The following ATE1 variants were observed in gnomAD, a reference collection of about 807,000 sequenced individuals.
ATE1 encodes the protein arginyl-tRNA--protein transferase 1.
A neutral mutation model predicts 70.5 loss-of-function variants in ATE1; 36 were observed. The ratio of observed to expected loss-of-function variants is 0.51; its 90% CI spans 0.39 to 0.67. The LOEUF (loss-of-function observed/expected upper bound fraction) is 0.67, where lower values mean the gene tolerates loss of function less well. Among genes scored for constraint, ATE1 ranks in the 30% least tolerant of loss-of-function variants. ATE1 has a pLI of 0.00. For missense variants in ATE1, 593 were observed against 629.5 expected (o/e 0.94, Z 0.62); for synonymous variants, 232 against 219.3 (o/e 1.06, Z -0.51).
At chr10:121,878,582 G>T (rs1413863077) in intron 7 of ATE1, among the ~76,000 whole-genome samples, 1 of 149,638 alleles carries the variant, frequency 6.7e-6, no homozygotes, top group African/African-American at 2.5e-5. Flanking sequence ...GACAGAGGGA[G>T]ACTGTGTCTC....
intron 10 of ATE1, among the ~76,000 whole-genome samples, chr10:121,805,510 C>T (rs1947059637): frequency 6.6e-6 from 1 of 152,114 alleles, no homozygotes; most frequent in South Asian, 2.1e-4. Context: ...CTTATAATGG[C>T]TGTACATACA....
intron 10 of ATE1, among the ~76,000 whole-genome samples, chr10:121,817,262 C>A (rs1044569530): frequency 1.3e-5 from 2 of 152,182 alleles, no homozygotes; most frequent in African/African-American, 4.8e-5. Context: ...GAGTTCAGGC[C>A]GGGCACAGCG....
chr10:121,768,131 C>G (rs12356867), intron 11 of ATE1, among the ~76,000 whole-genome samples: 1 of 152,102 alleles, frequency 6.6e-6, no homozygotes, highest in Non-Finnish European at 1.5e-5. Flanking sequence ...ATTTTTGGTA[C>G]TTAGAGAAGT....
chr10:121,790,611 T>C (rs1368319078), intron 10 of ATE1, among the ~76,000 whole-genome samples: 1 of 152,206 alleles, frequency 6.6e-6, no homozygotes, highest in African/African-American at 2.4e-5. Context: ...GTTTCAAAAT[T>C]GTCTTTCAAA....
chr10:121,795,012 C>T (rs1269523014), intron 10 of ATE1, among the ~76,000 whole-genome samples: 3 of 152,144 alleles, frequency 2.0e-5, no homozygotes, highest in African/African-American at 7.2e-5. Context: ...CCGTGGGAGG[C>T]CGAGGCAGGC....
intron 10 of ATE1, among the ~76,000 whole-genome samples, chr10:121,793,087 G>A (rs942597589): frequency 1.2e-4 from 19 of 152,056 alleles, no homozygotes; most frequent in Non-Finnish European, 2.4e-4. Context: ...AGAACACAAT[G>A]CATTTTTTTA....
In ATE1 at chr10:121,899,946, G is replaced by A; in HGVS notation, c.862C>T (p.Leu288Phe). 2 of 1,614,062 alleles carry A rather than the reference G, an allele frequency of 1.2e-6. No individual in the cohort carries two copies. Among genetic ancestry groups the A allele is most frequent in the South Asian group, 2.2e-5 (2 of 91,076 alleles). The change falls in exon 7 of 12, where the codon CTT becomes TTT. Residue 288 changes from leucine (L) to phenylalanine (F), a missense_variant. Physicochemically the swap from Leu to Phe is conservative, Grantham distance 22. Coordinates refer to ENST00000224652, the MANE Select transcript of ATE1 (RefSeq NM_001001976.3). ...SPPSSQFKAT[L>F]LESYQVYKRY... ...TTATAGACCTGGTAAGACTCCAGAAGTGTGGCTTTGAACTGCGAACTTGGT... is the reference window on the plus strand; with the variant it reads ...TTATAGACCTGGTAAGACTCCAGAAATGTGGCTTTGAACTGCGAACTTGGT...
chr10:121,923,278 C>T (rs1349093095), intron 2 of ATE1, among the ~76,000 whole-genome samples: 2 of 152,110 alleles, frequency 1.3e-5, no homozygotes, highest in Non-Finnish European at 2.9e-5. Flanking sequence ...GAGACCAGCA[C>T]GGGCAACATA....
intron 3 of ATE1, 125 bp downstream of exon 3, chr10:121,922,224 A>G: frequency 1.5e-6 from 1 of 672,036 alleles, no homozygotes; most frequent in South Asian, 1.8e-5. Context: ...TAACTCATTT[A>G]CTTTTCCTTT....
chr10:121,753,110 G>A (rs545486118), intron 11 of ATE1, among the ~76,000 whole-genome samples: 6 of 152,086 alleles, frequency 3.9e-5, no homozygotes, highest in African/African-American at 1.2e-4. Flanking sequence ...TGTTGTAAAC[G>A]CAACTGTTGA....
chr10:121,742,987 T>C lies in ATE1; in HGVS notation c.*693A>G, dbSNP rs1944196711. ...ACTAGAGTAATTATGTATTTTATTGTCCAAACTGGGATATTTTTTAGAGTA... is the reference window on the plus strand; with the variant it reads ...ACTAGAGTAATTATGTATTTTATTGCCCAAACTGGGATATTTTTTAGAGTA... On this transcript the variant is annotated 3_prime_UTR_variant, in exon 12 of 12. Coordinates refer to ENST00000224652, the MANE Select transcript of ATE1 (RefSeq NM_001001976.3). 1 of 152,240 alleles carries C rather than the reference T, an allele frequency of 6.6e-6. No homozygotes were observed. Among genetic ancestry groups the C allele is most frequent in the African/African-American group, 2.4e-5 (1 of 41,468 alleles). The allele number at this position is 152,240 out of a possible 1,614,324, so 9.4% of individuals were successfully genotyped here. A position where few individuals can be genotyped will look rare whatever the true frequency, so the allele number is the denominator to read the frequency against.
chr10:121,795,819 G>A (rs1016079439), intron 10 of ATE1, among the ~76,000 whole-genome samples: 1 of 152,320 alleles, frequency 6.6e-6, no homozygotes, highest in Non-Finnish European at 1.5e-5. Context: ...AACACAGGGG[G>A]TTGAAAGCTA....
chr10:121,812,732 T>C (rs1947376707), intron 10 of ATE1, among the ~76,000 whole-genome samples: 1 of 152,186 alleles, frequency 6.6e-6, no homozygotes, highest in South Asian at 2.1e-4. Context: ...ATAATTTCAT[T>C]TGTAAATCAA....
intron 6 of ATE1, 83 bp from the exon 7 acceptor site, chr10:121,900,077 C>G: frequency 7.2e-7 from 1 of 1,381,444 alleles, no homozygotes; most frequent in Non-Finnish European, 9.8e-7. Context: ...TAACTCCCAT[C>G]CAAGAAACCA....
At chr10:121,859,813 G>T (rs931503153) in intron 8 of ATE1, among the ~76,000 whole-genome samples, 1 of 151,998 alleles carries the variant, frequency 6.6e-6, no homozygotes, top group Admixed American at 6.5e-5. Flanking sequence ...ATGGTGGCAG[G>T]TGCCTGTAAT....
chr10:121,794,610 C>A (rs1159011153), intron 10 of ATE1, among the ~76,000 whole-genome samples: 13 of 77,542 alleles, frequency 1.7e-4, no homozygotes, highest in East Asian at 8.1e-4. Flanking sequence ...ACCCTGTCTC[C>A]AAAAAAAAAA....
At chr10:121,905,562 C>T (rs1283780669) in intron 5 of ATE1, among the ~76,000 whole-genome samples, 2 of 152,128 alleles carry the variant, frequency 1.3e-5, no homozygotes, top group South Asian at 2.1e-4. Flanking sequence ...GGATTTCAGG[C>T]GGGGCTCAGT....
At chr10:121,811,327 A>C (rs755871641) in intron 10 of ATE1, among the ~76,000 whole-genome samples, 5 of 152,200 alleles carry the variant, frequency 3.3e-5, no homozygotes, top group Non-Finnish European at 5.9e-5. Context: ...AGATATAGCA[A>C]ATGGGGTAAA....
In ATE1 at chr10:121,911,450, A is replaced by AAC. The variant is rs571073103; in HGVS notation, c.338-300_338-299insGT. On this transcript the variant is annotated intron_variant, in intron 4 of 11. Coordinates refer to ENST00000224652, the MANE Select transcript of ATE1 (RefSeq NM_001001976.3). Reference sequence around the variant, plus strand: ...CTATCTCTACAGTAAATTAAAAAAAAAAAAAAAAAACAAAAACTGTGGCGC... The same window carrying AAC: ...CTATCTCTACAGTAAATTAAAAAAAAACAAAAAAAAAACAAAAACTGTGGCGC... 3.5e-3 allele frequency among the ~76,000 whole-genome samples: 526 copies of AAC among 151,906 alleles called. 2 individuals carry two copies. Among genetic ancestry groups the AAC allele is most frequent in the Non-Finnish European group, 5.9e-3 (402 of 67,928 alleles).
Sources: allele counts gnomAD v4.1 joint callset (sites outside exome capture counted in the v4.1 genomes callset), GRCh38; gene constraint gnomAD v4.1.1; transcripts MANE v1.5; gene names NCBI Gene and HGNC (gene_info 2026-07-23, HGNC 2026-07-21).